CCDC66: variants seen among roughly 807,000 people sequenced by gnomAD.
CCDC66 encodes coiled-coil domain containing 66.
Under a neutral mutation model 128.3 loss-of-function variants are expected in CCDC66, and 133 were observed. The ratio of observed to expected loss-of-function variants is 1.04; its 90% CI spans 0.90 to 1.20. The LOEUF is 1.20. Among genes scored for constraint, CCDC66 ranks in the 50% most tolerant of loss-of-function variants. The pLI is 0.00. For missense variants in CCDC66, 1,126 were observed against 1,075.5 expected, an observed-to-expected ratio of 1.05 and a Z score of -0.66; for synonymous variants, 387 against 357.0, an observed-to-expected ratio of 1.08 and a Z score of -0.95.
At chr3:56,615,814 C>A in intron 12 of CCDC66, 108 bp from the exon 13 acceptor site, 1 of 866,970 alleles carries the variant, frequency 1.2e-6, no homozygotes, top group Non-Finnish European at 1.7e-6. Flanking sequence ...ATTTTTATTG[C>A]AGTGTTCATT....
intron 6 of CCDC66, among the ~76,000 whole-genome samples, chr3:56,567,447 C>T (rs1379635012): frequency 2.6e-5 from 4 of 152,166 alleles, no homozygotes; most frequent in Non-Finnish European, 4.4e-5. Flanking sequence ...CAAGGGAAAA[C>T]GTCCCCTTTG....
chr3:56,580,177 C>G (rs370874992), intron 7 of CCDC66, among the ~76,000 whole-genome samples: 1 of 151,748 alleles, frequency 6.6e-6, no homozygotes, highest in Non-Finnish European at 1.5e-5. Context: ...CCTTCTTTGT[C>G]TCTTTTGATC....
rs564708695 is a variant in CCDC66, at chr3:56,612,440, C to T, written c.1405-1149C>T. On this transcript the variant is annotated intron_variant, in intron 10 of 17. Transcript: ENST00000394672. Reference sequence around the variant, plus strand: ...AGGCTGAGCATGCCTGTCCTTGGGCCCCAGGGCTGTATACACTGGCATCAG... The same window carrying T: ...AGGCTGAGCATGCCTGTCCTTGGGCTCCAGGGCTGTATACACTGGCATCAG... Among the ~76,000 whole-genome samples the T allele has an allele frequency of 2.0e-5, 3 of 152,232 alleles. No homozygotes were observed. In the South Asian group the frequency reaches 6.2e-4, roughly 32 times the overall value.
At chr3:56,621,192 A>C in intron 17 of CCDC66, 1 of 166,772 alleles carries the variant, frequency 6.0e-6, no homozygotes, top group African/African-American at 2.4e-5. Context: ...ACAAAAAAAA[A>C]ACACTGTATG....
At position 56,562,466 on chromosome 3, in the gene CCDC66, A is replaced by G. The variant is rs150185740; in HGVS notation, c.103-1218A>G. On this transcript the variant is annotated intron_variant, in intron 3 of 17. Coordinates refer to ENST00000394672, the MANE Select transcript of CCDC66 (RefSeq NM_001141947.3). ...AAAATACAGATAATACAGTATCATA[A>G]GTAATTTATTAAAATAATGGATTCT... Among the ~76,000 whole-genome samples the G allele has an allele frequency of 1.8e-3, 280 of 152,328 alleles. 8 individuals are homozygous for G. In the East Asian group the frequency reaches 0.043, roughly 23 times the overall value.
intron 3 of CCDC66, among the ~76,000 whole-genome samples, chr3:56,562,161 C>T (rs1188169691): frequency 6.6e-6 from 1 of 151,976 alleles, no homozygotes; most frequent in Non-Finnish European, 1.5e-5. Flanking sequence ...CTGCCTCAGC[C>T]TCCCAAGTAG....
rs1037430307 is a variant in CCDC66 at position 56,617,614 on chromosome 3, C to T, written c.2337+9C>T. On this transcript the variant is annotated intron_variant, in intron 14 of 17. Coordinates refer to ENST00000394672, the MANE Select transcript of CCDC66 (RefSeq NM_001141947.3). ...GGCATCTAGTCAAAAAGGTAAAGCT[C>T]TTCCATCTTAGATGATGTGTTGACG... The T allele has an allele frequency of 7.6e-6, 12 of 1,584,208 alleles. No homozygotes were observed. Among genetic ancestry groups the T allele is most frequent in the Non-Finnish European group, 6.8e-6 (8 of 1,170,434 alleles).
chr3:56,558,784 C>A, intron 1 of CCDC66, 62 bp from the exon 2 acceptor site: 1 of 1,082,752 alleles, frequency 9.2e-7, no homozygotes, highest in Non-Finnish European at 1.4e-6. Flanking sequence ...ATGAACATTT[C>A]TGGTTATTTA....
At chr3:56,595,608 C>T (rs1353145695) in intron 10 of CCDC66, among the ~76,000 whole-genome samples, 1 of 152,160 alleles carries the variant, frequency 6.6e-6, no homozygotes, top group African/African-American at 2.4e-5. Context: ...AATAGTATCC[C>T]ATTGTGTATA....
intron 7 of CCDC66, among the ~76,000 whole-genome samples, chr3:56,583,440 C>A (rs2068781456): frequency 6.6e-6 from 1 of 151,788 alleles, no homozygotes. Flanking sequence ...GGCAGAGGAC[C>A]CTGCGGCCTT....
chr3:56,617,622 T>G lies in CCDC66; in HGVS notation c.2337+17T>G. On this transcript the variant is annotated intron_variant, in intron 14 of 17. Transcript: ENST00000394672. ...GTCAAAAAGGTAAAGCTCTTCCATCTTAGATGATGTGTTGACGTTTCTGGA... is the reference window on the plus strand; with the variant it reads ...GTCAAAAAGGTAAAGCTCTTCCATCGTAGATGATGTGTTGACGTTTCTGGA... The G allele has an allele frequency of 6.3e-7, 1 of 1,575,954 alleles. No homozygotes were observed. The highest frequency in any genetic ancestry group is 8.6e-7 in the Non-Finnish European group (1 of 1,166,890).
intron 1 of CCDC66, among the ~76,000 whole-genome samples, chr3:56,558,197 T>A (rs926932411): frequency 6.6e-6 from 1 of 152,216 alleles, no homozygotes. Flanking sequence ...TTTAATTTTC[T>A]CTCTCTGAAT....
At position 56,568,685 on chromosome 3, in the gene CCDC66, A is replaced by C. The variant is rs903693124; in HGVS notation, c.814+1632A>C. Among the ~76,000 whole-genome samples, 102 of 152,214 alleles carry C rather than the reference A, an allele frequency of 6.7e-4. 1 individual carries two copies. The highest frequency in any genetic ancestry group is 2.2e-4 in the Non-Finnish European group (15 of 68,036). On this transcript the variant is annotated intron_variant, in intron 6 of 17. Coordinates refer to ENST00000394672, the MANE Select transcript of CCDC66 (RefSeq NM_001141947.3). ...TTTAAGGATGGTTTTACTAAAAACT[A>C]ATTGATTTCACTTTTTTAAATAACC...
At chr3:56,566,784 T>C (rs369317120) in intron 5 of CCDC66, 25 bp downstream of exon 5, 497 of 1,594,460 alleles carry the variant, frequency 3.1e-4, no homozygotes, top group Non-Finnish European at 4.2e-4. Context: ...TCTGTTGTTA[T>C]TGTGTGGTCA....
intron 10 of CCDC66, among the ~76,000 whole-genome samples, chr3:56,606,925 T>A (rs1333433637): frequency 6.6e-6 from 1 of 152,176 alleles, no homozygotes; most frequent in African/African-American, 2.4e-5. Flanking sequence ...ATGTTTTTGT[T>A]TGCTTTGTCG....
chr3:56,585,464 A>G (rs988443820), intron 7 of CCDC66, among the ~76,000 whole-genome samples: 4 of 151,950 alleles, frequency 2.6e-5, no homozygotes, highest in African/African-American at 4.8e-5. Context: ...ATCTTGAATC[A>G]TAGGCTTTCC....
At position 56,559,587 on chromosome 3, in the gene CCDC66, C is replaced by A. The variant is rs995284763; in HGVS notation, c.95C>A (p.Ser32Tyr). The A allele has an allele frequency of 7.2e-6, 11 of 1,535,814 alleles. No homozygotes were observed. The highest frequency in any genetic ancestry group is 4.2e-5 in the African/African-American group (3 of 72,114). The change falls in exon 3 of 18, where the codon TCT becomes TAT. Residue 32 changes from serine (S) to tyrosine (Y), a missense_variant. Ser to Tyr is a moderately radical substitution (Grantham distance 144). Transcript: ENST00000394672. ...TTTGTAGAACATAAATCAAAAATTTCTGTGAAGGTAAGCCGTATAACTTTG... is the reference window on the plus strand; with the variant it reads ...TTTGTAGAACATAAATCAAAAATTTATGTGAAGGTAAGCCGTATAACTTTG... ...LSPYEHKSKI[S>Y]VKMGNKAKIA...
intron 3 of CCDC66, among the ~76,000 whole-genome samples, chr3:56,559,798 C>T (rs1483779071): frequency 6.6e-6 from 1 of 152,166 alleles, no homozygotes; most frequent in African/African-American, 2.4e-5. Flanking sequence ...ACCTCTTTCT[C>T]TAGATAAGTG....
intron 10 of CCDC66, among the ~76,000 whole-genome samples, chr3:56,598,136 TTTG>T (rs2072449739): frequency 8.5e-6 from 1 of 117,732 alleles, no homozygotes; most frequent in Non-Finnish European, 1.7e-5. Flanking sequence ...TTGATTTTAG[TTTG>T]TTTTGTTTTG....
Sources: allele counts gnomAD v4.1 joint callset (sites outside exome capture counted in the v4.1 genomes callset), GRCh38; gene constraint gnomAD v4.1.1; transcripts MANE v1.5; gene names NCBI Gene and HGNC (gene_info 2026-07-23, HGNC 2026-07-21).